The following PTPN9 variants were observed in gnomAD, a reference collection of about 807,000 sequenced individuals.
PTPN9 encodes the protein tyrosine-protein phosphatase non-receptor type 9.
A neutral mutation model predicts 69.8 loss-of-function variants in PTPN9; 26 were observed. The ratio of observed to expected loss-of-function variants is 0.37; its 90% CI spans 0.27 to 0.52. The LOEUF is 0.52. Ranked by LOEUF, PTPN9 falls within the 20% of genes least tolerant of loss-of-function variation. PTPN9 has a pLI of 0.91. For synonymous variants in PTPN9, 274 were observed against 272.5 expected, an observed-to-expected ratio of 1.01 and a Z score of -0.05; for missense variants, 549 against 740.3, an observed-to-expected ratio of 0.74 and a Z score of 3.00.
chr15:75,530,507 ATATAT>A (rs1472392255), intron 1 of PTPN9, among the ~76,000 whole-genome samples: 6 of 86,820 alleles, frequency 6.9e-5, no homozygotes, highest in Admixed American at 2.0e-4. Context: ...TTATATTATA[ATATAT>A]TATAATATAA....
chr15:75,508,864 G>A (rs2074832606), intron 6 of PTPN9, 53 bp downstream of exon 6: 2 of 1,339,464 alleles, frequency 1.5e-6, no homozygotes, highest in African/African-American at 1.4e-5. Context: ...TTAATTGGCA[G>A]GAATTCACTG....
chr15:75,483,588 T>C (rs1328661257), intron 8 of PTPN9, among the ~76,000 whole-genome samples: 5 of 152,142 alleles, frequency 3.3e-5, no homozygotes, highest in Non-Finnish European at 5.9e-5. Context: ...TGAGGTTTCT[T>C]TGGGAAATGA....
At chr15:75,529,874 C>T (rs1400598116) in intron 1 of PTPN9, among the ~76,000 whole-genome samples, 1 of 151,882 alleles carries the variant, frequency 6.6e-6, no homozygotes, top group Non-Finnish European at 1.5e-5. Context: ...TGTGCCATTG[C>T]ACTCCAGCCT....
intron 1 of PTPN9, among the ~76,000 whole-genome samples, chr15:75,544,873 T>G (rs965761700): frequency 6.6e-6 from 1 of 152,124 alleles, no homozygotes; most frequent in Non-Finnish European, 1.5e-5. Context: ...GGAATGTGAA[T>G]GGCTGTGAGG....
At chr15:75,517,183 C>A in intron 5 of PTPN9, 76 bp downstream of exon 5, 2 of 1,116,084 alleles carry the variant, frequency 1.8e-6, no homozygotes, top group Middle Eastern at 2.0e-4. Flanking sequence ...TTTCCTAAAT[C>A]TTTTCCCAAA....
intron 2 of PTPN9, among the ~76,000 whole-genome samples, chr15:75,526,367 G>A (rs1380340656): frequency 6.6e-6 from 1 of 152,084 alleles, no homozygotes; most frequent in Non-Finnish European, 1.5e-5. Context: ...TTGAGTAAAT[G>A]AATGAATATT....
At position 75,578,888 on chromosome 15, in the gene PTPN9, GC is replaced by G. The variant is rs977637299; in HGVS notation, c.-113del. ...CCTCAGCAGCCCGGGGCCGGCTCGCGCATAGTGTGGCCGGCAGGGCCCGGCG... is the reference window on the plus strand; with the variant it reads ...CCTCAGCAGCCCGGGGCCGGCTCGCGATAGTGTGGCCGGCAGGGCCCGGCG... On this transcript the variant is annotated 5_prime_UTR_variant, in exon 1 of 13. It removes an upstream start codon present in the reference 5' UTR. Coordinates refer to ENST00000618819, the MANE Select transcript of PTPN9 (RefSeq NM_002833.4). The G allele has an allele frequency of 1.4e-6, 1 of 692,226 alleles. No individual in the cohort carries two copies. The highest frequency in any genetic ancestry group is 1.9e-5 in the African/African-American group (1 of 52,930). The allele number at this position is 692,226 out of a possible 1,614,324, so 42.9% of individuals were successfully genotyped here.
At chr15:75,506,059 G>C in intron 6 of PTPN9, 56 bp from the exon 7 acceptor site, 2 of 1,335,918 alleles carry the variant, frequency 1.5e-6, no homozygotes, top group Non-Finnish European at 2.1e-6. Flanking sequence ...GGCATATAGA[G>C]TGACAAAGAA....
Position 75,463,781 on chromosome 15 carries a change from C to T in PTPN9, c.*4988G>A, listed in dbSNP as rs1338275283. The T allele has an allele frequency of 6.6e-6, 1 of 152,138 alleles. No individual in the cohort carries two copies. The highest frequency in any genetic ancestry group is 1.5e-5 in the Non-Finnish European group (1 of 68,034). The allele number at this position is 152,138 out of a possible 1,614,324, so 9.4% of individuals were successfully genotyped here. A position where few individuals can be genotyped will look rare whatever the true frequency, so the allele number is the denominator to read the frequency against. On this transcript the variant is annotated 3_prime_UTR_variant, in exon 13 of 13. Coordinates refer to ENST00000618819, the MANE Select transcript of PTPN9 (RefSeq NM_002833.4). ...AGTGCAGTCTAGAACACTTGATATT[C>T]ACAAGTGTTGTGTAAAGGTAACTAT... is the stretch of plus-strand genomic sequence containing the variant.
At chr15:75,488,656 T>C (rs2074692419) in intron 8 of PTPN9, among the ~76,000 whole-genome samples, 1 of 151,894 alleles carries the variant, frequency 6.6e-6, no homozygotes, top group South Asian at 2.1e-4. Flanking sequence ...CAGCCATGTG[T>C]AATGGCGTGT....
chr15:75,511,999 C>A (rs895111484), intron 5 of PTPN9, among the ~76,000 whole-genome samples: 1 of 151,956 alleles, frequency 6.6e-6, no homozygotes, highest in Non-Finnish European at 1.5e-5. Context: ...TGTGCCATCA[C>A]GCCTGGCTAA....
intron 1 of PTPN9, among the ~76,000 whole-genome samples, chr15:75,568,457 A>G (rs553973252): frequency 6.7e-6 from 1 of 149,648 alleles, no homozygotes; most frequent in African/African-American, 2.4e-5. Context: ...TCAGCAAGCC[A>G]TGATCATGCC....
chr15:75,534,055 T>C (rs1001124072), intron 1 of PTPN9, among the ~76,000 whole-genome samples: 50 of 152,290 alleles, frequency 3.3e-4, no homozygotes, highest in African/African-American at 1.1e-3. Context: ...TTAGTGTGGT[T>C]TTGGGGATTA....
intron 1 of PTPN9, among the ~76,000 whole-genome samples, chr15:75,558,575 C>T (rs71398941): frequency 0.054 from 8,261 of 152,182 alleles, 316 homozygotes; most frequent in East Asian, 0.14. Context: ...CCCTCTGACG[C>T]CGAGCCGAAG....
intron 9 of PTPN9, among the ~76,000 whole-genome samples, chr15:75,474,583 T>G (rs1428768190): frequency 6.6e-6 from 1 of 152,182 alleles, no homozygotes; most frequent in Non-Finnish European, 1.5e-5. Flanking sequence ...CTAGCATTCT[T>G]AAATCATTCA....
At chr15:75,495,707 A>G (rs1477002103) in intron 7 of PTPN9, among the ~76,000 whole-genome samples, 1 of 152,084 alleles carries the variant, frequency 6.6e-6, no homozygotes, top group African/African-American at 2.4e-5. Context: ...ACATCAAAAC[A>G]ACAACCACAA....
chr15:75,482,359 A>C (rs1283082999), intron 8 of PTPN9, among the ~76,000 whole-genome samples: 1 of 152,138 alleles, frequency 6.6e-6, no homozygotes, highest in African/African-American at 2.4e-5. Context: ...AGGTCAGGAG[A>C]TCGAGACCAT....
chr15:75,523,840 T>C (rs552404235), intron 3 of PTPN9, among the ~76,000 whole-genome samples: 5 of 152,240 alleles, frequency 3.3e-5, no homozygotes, highest in Admixed American at 1.3e-4. Context: ...TAGAAACTAT[T>C]AGTAATTCAA....
intron 1 of PTPN9, among the ~76,000 whole-genome samples, chr15:75,551,141 C>A (rs887453200): frequency 6.6e-6 from 1 of 152,122 alleles, no homozygotes; most frequent in African/African-American, 2.4e-5. Context: ...CTCACTGTTG[C>A]CCAGGCTGAA....
Sources: gnomAD v4.1 joint callset for allele counts (sites outside exome capture counted in the v4.1 genomes callset) on GRCh38, gnomAD v4.1.1 for gene constraint, MANE v1.5 for transcripts, NCBI Gene and HGNC (gene_info 2026-07-23, HGNC 2026-07-21) for gene names.